The following F13A1 variants were observed in gnomAD, a reference collection of about 807,000 sequenced individuals.
F13A1 encodes coagulation factor XIII A chain.
In F13A1, 47 loss-of-function variants were observed where a neutral mutation model predicts 80.1. The ratio of observed to expected loss-of-function variants is 0.59; its 90% CI spans 0.46 to 0.75. The LOEUF (loss-of-function observed/expected upper bound fraction) is 0.75. Ranked by LOEUF, F13A1 falls within the 30% of genes least tolerant of loss-of-function variation. The pLI is 0.00. For missense variants in F13A1, 817 were observed against 930.4 expected, an observed-to-expected ratio of 0.88 and a Z score of 1.59; for synonymous variants, 349 against 344.9, an observed-to-expected ratio of 1.01 and a Z score of -0.13.
chr6:6,313,129 T>A (rs1011153716), intron 2 of F13A1, among the ~76,000 whole-genome samples: 5 of 152,150 alleles, frequency 3.3e-5, no homozygotes, highest in Non-Finnish European at 7.3e-5. Context: ...AGCATATTGA[T>A]TTTTGCTTTG....
In F13A1 at chr6:6,185,306, A is replaced by G. The variant is rs543297088; in HGVS notation, c.1306-3165T>C. Among the ~76,000 whole-genome samples the G allele has an allele frequency of 6.7e-5, 8 of 119,550 alleles. No homozygotes were observed. In the East Asian group the frequency reaches 2.0e-3, roughly 31 times the overall value. 78.4% of individuals were successfully genotyped at this position (119,550 alleles called of 152,430 possible). ...TCCCCCCACCCCACAACAGTCCCCA[A>G]AGTGTGATGATATTCCCCTTCCTGT... On this transcript the variant is annotated intron_variant, in intron 10 of 14. Transcript: ENST00000264870.
At chr6:6,291,841 A>G (rs1758228215) in intron 3 of F13A1, among the ~76,000 whole-genome samples, 1 of 152,132 alleles carries the variant, frequency 6.6e-6, no homozygotes, top group Admixed American at 6.5e-5. Flanking sequence ...ATGATATCCA[A>G]ATTATCTCCT....
chr6:6,212,616 G>C (rs1349954987), intron 8 of F13A1, among the ~76,000 whole-genome samples: 1 of 152,234 alleles, frequency 6.6e-6, no homozygotes, highest in Non-Finnish European at 1.5e-5. Flanking sequence ...CTAAAAAGCA[G>C]AGCGCCTCTC....
At chr6:6,253,042 C>T (rs573802629) in intron 4 of F13A1, among the ~76,000 whole-genome samples, 1 of 150,448 alleles carries the variant, frequency 6.6e-6, no homozygotes, top group East Asian at 2.0e-4. Context: ...GCCTGTAATC[C>T]TAGCTACTCG....
chr6:6,149,988 T>C (rs1278598246), intron 14 of F13A1, among the ~76,000 whole-genome samples: 1 of 152,214 alleles, frequency 6.6e-6, no homozygotes, highest in Non-Finnish European at 1.5e-5. Flanking sequence ...GCCTCCCAAA[T>C]AGTGGGTCAT....
At chr6:6,152,632 G>C (rs752355321) in intron 13 of F13A1, among the ~76,000 whole-genome samples, 2 of 152,092 alleles carry the variant, frequency 1.3e-5, no homozygotes, top group Non-Finnish European at 2.9e-5. Context: ...TTAACAGTGG[G>C]GACTCAGGTG....
Position 6,243,849 on chromosome 6 carries a change from T to C in F13A1, c.798+4463A>G, listed in dbSNP as rs58233652. On this transcript the variant is annotated intron_variant, in intron 6 of 14. Coordinates refer to ENST00000264870, the MANE Select transcript of F13A1 (RefSeq NM_000129.4). The surrounding 1 kb of genome is among the most constrained non-coding windows in gnomAD (Gnocchi z 4.2). ...AGCAAATATGGATGGAGGTGGTACA[T>C]GTAGGTGTGTCACAGTGAATAACGA... Among the ~76,000 whole-genome samples the C allele has an allele frequency of 8.3e-3, 1,269 of 152,316 alleles. 22 individuals are homozygous for C. Among genetic ancestry groups the C allele is most frequent in the African/African-American group, 0.029 (1,204 of 41,552 alleles).
At chr6:6,222,658 A>G (rs1177202909) in intron 7 of F13A1, among the ~76,000 whole-genome samples, 1 of 152,198 alleles carries the variant, frequency 6.6e-6, no homozygotes, top group African/African-American at 2.4e-5. Flanking sequence ...ATAGATAACA[A>G]ATTATCTGAA....
rs891592450 is a variant in F13A1 at position 6,162,186 on chromosome 6, C to T, written c.1908+5272G>A. Among the ~76,000 whole-genome samples the T allele has an allele frequency of 6.6e-6, 1 of 152,124 alleles. No homozygotes were observed. Among genetic ancestry groups the T allele is most frequent in the Non-Finnish European group, 1.5e-5 (1 of 68,018 alleles). On this transcript the variant is annotated intron_variant, in intron 13 of 14. Transcript: ENST00000264870. The surrounding 1 kb of genome is among the most constrained non-coding windows in gnomAD (Gnocchi z 4.2). ...GAGAGTCGATGATAAAGCTCTCATCCAAAATTGTAGACTCCCCTCCACATA... is the reference window on the plus strand; with the variant it reads ...GAGAGTCGATGATAAAGCTCTCATCTAAAATTGTAGACTCCCCTCCACATA...
At chr6:6,287,519 G>A (rs1236212869) in intron 3 of F13A1, among the ~76,000 whole-genome samples, 1 of 152,176 alleles carries the variant, frequency 6.6e-6, no homozygotes, top group East Asian at 1.9e-4. Context: ...GGCAGTCAGG[G>A]AGGAAGCGTT....
chr6:6,258,245 C>T (rs1268311469), intron 4 of F13A1, among the ~76,000 whole-genome samples: 1 of 152,160 alleles, frequency 6.6e-6, no homozygotes, highest in Admixed American at 6.5e-5. Context: ...ATGCACGTAA[C>T]ATCACAGAAC....
At chr6:6,199,647 G>T (rs1285094802) in intron 8 of F13A1, among the ~76,000 whole-genome samples, 4 of 152,156 alleles carry the variant, frequency 2.6e-5, no homozygotes, top group Non-Finnish European at 5.9e-5. Context: ...TATGATATAG[G>T]TAAGGATAAG....
intron 3 of F13A1, among the ~76,000 whole-genome samples, chr6:6,293,209 G>T (rs539476358): frequency 6.6e-6 from 1 of 152,116 alleles, no homozygotes; most frequent in Non-Finnish European, 1.5e-5. Context: ...ACTTCGGAGG[G>T]CTCCTCAGGG....
intron 3 of F13A1, among the ~76,000 whole-genome samples, chr6:6,299,271 A>G (rs1331407858): frequency 9.3e-6 from 1 of 107,358 alleles, no homozygotes; most frequent in Non-Finnish European, 1.7e-5. Flanking sequence ...CGTTCTCTGT[A>G]TTTCCTGAAT....
chr6:6,313,024 A>G (rs1758627594), intron 2 of F13A1, among the ~76,000 whole-genome samples: 1 of 152,240 alleles, frequency 6.6e-6, no homozygotes, highest in Admixed American at 6.5e-5. Context: ...AAATATGAAC[A>G]TAGACATAAA....
At chr6:6,239,334 A>T (rs1757455260) in intron 6 of F13A1, among the ~76,000 whole-genome samples, 1 of 152,192 alleles carries the variant, frequency 6.6e-6, no homozygotes, top group African/African-American at 2.4e-5. Flanking sequence ...GATTGACCGG[A>T]AGAAGCACGA....
intron 3 of F13A1, among the ~76,000 whole-genome samples, chr6:6,300,995 A>T (rs1277581825): frequency 6.6e-6 from 1 of 152,160 alleles, no homozygotes; most frequent in Non-Finnish European, 1.5e-5. Flanking sequence ...TTTTTAAACC[A>T]TCACTTTTAC....
chr6:6,163,259 A>G (rs13202850), intron 13 of F13A1, among the ~76,000 whole-genome samples: 19,377 of 152,274 alleles, frequency 0.13, 1,376 homozygotes, highest in South Asian at 0.25. Context: ...AACATATCCT[A>G]TGTAATTCTG....
intron 3 of F13A1, among the ~76,000 whole-genome samples, chr6:6,282,381 G>T (rs1030930117): frequency 3.3e-5 from 5 of 152,092 alleles, no homozygotes; most frequent in Non-Finnish European, 7.4e-5. Flanking sequence ...GTTATTTAAT[G>T]ATAATAAAAG....
Sources: allele counts gnomAD v4.1 joint callset (sites outside exome capture counted in the v4.1 genomes callset), GRCh38; gene constraint gnomAD v4.1.1; non-coding constraint Gnocchi (gnomAD v3.1); transcripts MANE v1.5; gene names NCBI Gene and HGNC (gene_info 2026-07-23, HGNC 2026-07-21).